Variants in MAB21L3 observed in about 807,000 individuals in gnomAD.
The protein encoded by MAB21L3 is mab-21 like 3.
Under a neutral mutation model 37.7 loss-of-function variants are expected in MAB21L3, and 36 were observed. The ratio of observed to expected loss-of-function variants is 0.96; its 90% CI spans 0.73 to 1.26. The LOEUF (loss-of-function observed/expected upper bound fraction) is 1.26, where lower values mean the gene tolerates loss of function less well. Among genes scored for constraint, MAB21L3 ranks in the 50% most tolerant of loss-of-function variants. The pLI, the probability that MAB21L3 is intolerant of heterozygous loss-of-function variation, is 0.00. For synonymous variants in MAB21L3, 186 were observed against 176.8 expected (o/e 1.05, Z -0.41); for missense variants, 430 against 447.3 (o/e 0.96, Z 0.35).
intron 3 of MAB21L3, among the ~76,000 whole-genome samples, chr1:116,116,870 G>A (rs1305837812): frequency 6.6e-6 from 1 of 152,156 alleles, no homozygotes; most frequent in South Asian, 2.1e-4. Flanking sequence ...AGGTCATAAG[G>A]GTGAACTAAT....
chr1:116,116,664 G>A (rs1659597748), intron 3 of MAB21L3, among the ~76,000 whole-genome samples: 1 of 152,162 alleles, frequency 6.6e-6, no homozygotes, highest in African/African-American at 2.4e-5. Context: ...TGTGATGTTA[G>A]GAAAGCTGCC....
At chr1:116,124,520 T>C (rs1345461041) in intron 5 of MAB21L3, among the ~76,000 whole-genome samples, 163 bp downstream of exon 5, 1 of 152,218 alleles carries the variant, frequency 6.6e-6, no homozygotes, top group African/African-American at 2.4e-5. Context: ...CAGCTTTTTT[T>C]CCTGCTGTTG....
In MAB21L3 at chr1:116,120,960, A is replaced by G. The variant is rs1328780729; in HGVS notation, c.77A>G (p.Gln26Arg). Residue 26 changes from glutamine (Q) to arginine (R), a missense_variant, in exon 4 of 8, where the codon CAG becomes CGG. Gln to Arg is a conservative substitution (Grantham distance 43). Transcript: ENST00000369500. Reference protein sequence around the residue: ...KVDLRRQQISQAVEEVQKVVH... With the variant: ...KVDLRRQQISRAVEEVQKVVH... ...GACTTGAGGCGCCAGCAGATTTCCCAGGCTGTGGAGGAGGTGCAGAAAGTC... is the reference window on the plus strand; with the variant it reads ...GACTTGAGGCGCCAGCAGATTTCCCGGGCTGTGGAGGAGGTGCAGAAAGTC... 1.2e-6 allele frequency: 2 copies of G among 1,614,186 alleles called. No individual in the cohort carries two copies. Among genetic ancestry groups the G allele is most frequent in the East Asian group, 2.2e-5 (1 of 44,882 alleles).
intron 3 of MAB21L3, among the ~76,000 whole-genome samples, chr1:116,117,162 C>CATATATATAT (rs35799148): frequency 0.014 from 1,600 of 114,350 alleles, 35 homozygotes; most frequent in African/African-American, 0.029. Context: ...AATATACATA[C>CATATATATAT]ATATATATAT....
chr1:116,115,209 C>A (rs996018017), intron 3 of MAB21L3, among the ~76,000 whole-genome samples: 2 of 152,182 alleles, frequency 1.3e-5, no homozygotes, highest in Non-Finnish European at 2.9e-5. Flanking sequence ...GCCTTGCACA[C>A]AGGAAGGACT....
intron 4 of MAB21L3, chr1:116,123,752 A>G (rs1334512180): frequency 3.9e-6 from 1 of 257,058 alleles, no homozygotes; most frequent in Non-Finnish European, 7.4e-6. Context: ...CTGAATGCAT[A>G]CTCATTCTTC....
At chr1:116,118,305 C>T (rs1453016531) in intron 3 of MAB21L3, among the ~76,000 whole-genome samples, 4 of 151,780 alleles carry the variant, frequency 2.6e-5, no homozygotes, top group Non-Finnish European at 1.5e-5. Context: ...TCACTTGAAC[C>T]GAGGAGGCAG....
chr1:116,122,609 G>A (rs555309693), intron 4 of MAB21L3, among the ~76,000 whole-genome samples: 8 of 152,308 alleles, frequency 5.3e-5, no homozygotes, highest in South Asian at 4.2e-4. Flanking sequence ...CACCCAGGCC[G>A]GAGTGCAGTG....
In MAB21L3 at chr1:116,127,537, C is replaced by A; in HGVS notation, c.553C>A (p.Leu185Met). The change falls in exon 6 of 8, where the codon CTG becomes ATG. Residue 185 changes from leucine (L) to methionine (M), a missense_variant. Coordinates refer to ENST00000369500, the MANE Select transcript of MAB21L3 (RefSeq NM_152367.3). ...AVETSAYQVE[L>M]ELVPAVEIPT... Reference sequence around the variant, plus strand: ...GGAAACATCTGCATATCAGGTGGAACTGGAGCTGGTCCCCGCAGTGGAGAT... The same window carrying A: ...GGAAACATCTGCATATCAGGTGGAAATGGAGCTGGTCCCCGCAGTGGAGAT... 1 of 1,614,206 alleles carries A rather than the reference C, an allele frequency of 6.2e-7. No individual in the cohort carries two copies.
At chr1:116,116,674 C>T (rs1170476159) in intron 3 of MAB21L3, among the ~76,000 whole-genome samples, 1 of 152,148 alleles carries the variant, frequency 6.6e-6, no homozygotes, top group East Asian at 1.9e-4. Context: ...GGAAAGCTGC[C>T]TTGTCACTCT....
intron 7 of MAB21L3, among the ~76,000 whole-genome samples, chr1:116,130,635 G>T (rs930376181): frequency 6.6e-6 from 1 of 152,186 alleles, no homozygotes; most frequent in Non-Finnish European, 1.5e-5. Flanking sequence ...GGAAGCTGTG[G>T]CACTCAGCCT....
At chr1:116,129,241 G>T (rs939478130) in intron 7 of MAB21L3, among the ~76,000 whole-genome samples, 1 of 151,962 alleles carries the variant, frequency 6.6e-6, no homozygotes, top group African/African-American at 2.4e-5. Context: ...GCAGTCAGGG[G>T]GCCTCCCTGG....
At position 116,133,336 on chromosome 1, in the gene MAB21L3, C is replaced by T; in HGVS notation, c.1060C>T (p.Leu354=). 1 of 1,614,248 alleles carries T rather than the reference C, an allele frequency of 6.2e-7. No homozygotes were observed. The highest frequency in any genetic ancestry group is 8.5e-7 in the Non-Finnish European group (1 of 1,180,048). The change falls in exon 8 of 8, where the codon CTG becomes TTG. Residue 354 remains leucine (L), a synonymous_variant. Coordinates refer to ENST00000369500, the MANE Select transcript of MAB21L3 (RefSeq NM_152367.3). Reference sequence around the variant, plus strand: ...TGTGGCCCAAAAGCTGGCCACCTTCCTGAAGAACCCCCAGATCGGCCCGCC... The same window carrying T: ...TGTGGCCCAAAAGCTGGCCACCTTCTTGAAGAACCCCCAGATCGGCCCGCC... The part of the protein sequence containing the change: ...DTVAQKLATF[L]KNPQIGPP
At chr1:116,125,745 C>T (rs1379123057) in intron 5 of MAB21L3, among the ~76,000 whole-genome samples, 1 of 152,164 alleles carries the variant, frequency 6.6e-6, no homozygotes, top group Non-Finnish European at 1.5e-5. Context: ...TCCTCATAAC[C>T]ACACAATACA....
chr1:116,117,792 C>T (rs141937571), intron 3 of MAB21L3, among the ~76,000 whole-genome samples: 41 of 152,306 alleles, frequency 2.7e-4, no homozygotes, highest in African/African-American at 8.2e-4. Flanking sequence ...AGAACATAGA[C>T]GTCAGACTGG....
Position 116,133,327 on chromosome 1 carries a change from G to A in MAB21L3, c.1051G>A (p.Ala351Thr), listed in dbSNP as rs774127006. The change falls in exon 8 of 8, where the codon GCC becomes ACC. Residue 351 changes from alanine (A) to threonine (T), a missense_variant. Physicochemically the swap from Ala to Thr is moderately conservative, Grantham distance 58 (BLOSUM62 0). Transcript: ENST00000369500. ...ACTGGACACTGTGGCCCAAAAGCTGGCCACCTTCCTGAAGAACCCCCAGAT... is the reference window on the plus strand; with the variant it reads ...ACTGGACACTGTGGCCCAAAAGCTGACCACCTTCCTGAAGAACCCCCAGAT... ...TELDTVAQKL[A>T]TFLKNPQIGP... is the part of the protein sequence containing the mutation. 7.4e-6 allele frequency: 12 copies of A among 1,614,056 alleles called. No homozygotes were observed. The Admixed American group carries it at 1.2e-4, about 16-fold the overall frequency.
intron 4 of MAB21L3, 46 bp from the exon 5 acceptor site, chr1:116,124,020 C>G (rs372644411): frequency 6.5e-7 from 1 of 1,547,412 alleles, no homozygotes; most frequent in Non-Finnish European, 8.7e-7. Context: ...CGTTACCTCC[C>G]GAATCTGTGA....
At chr1:116,132,368 G>A (rs1288525321) in intron 7 of MAB21L3, among the ~76,000 whole-genome samples, 3 of 152,166 alleles carry the variant, frequency 2.0e-5, no homozygotes, top group African/African-American at 4.8e-5. Context: ...TTGCTTGGAA[G>A]TCAAGTGAAG....
In MAB21L3 at chr1:116,127,491, C is replaced by T. The variant is rs376254966; in HGVS notation, c.507C>T (p.Arg169=). The T allele has an allele frequency of 1.9e-6, 3 of 1,614,032 alleles. No individual in the cohort carries two copies. In the African/African-American group the frequency reaches 4.0e-5, roughly 22 times the overall value. The change falls in exon 6 of 8, where the codon CGC becomes CGT. Residue 169 remains arginine (R), a synonymous_variant. Transcript: ENST00000369500. ...GTAAGGTCAGCCTGCTAGGAAACCG[C>T]TCTGCAGTTTGGGTTGCTGTGGAAA... ...LSGKVSLLGN[R]SAVWVAVETS... is the part of the protein sequence containing the mutation.
Sources: gnomAD v4.1 joint callset for allele counts (sites outside exome capture counted in the v4.1 genomes callset) on GRCh38, gnomAD v4.1.1 for gene constraint, MANE v1.5 for transcripts, NCBI Gene and HGNC (gene_info 2026-07-23, HGNC 2026-07-21) for gene names.